The following KRIT1 variants were observed in gnomAD, a reference collection of about 807,000 sequenced individuals.
KRIT1 encodes krev interaction trapped protein 1.
Under a neutral mutation model 95.8 loss-of-function variants are expected in KRIT1, and 45 were observed. The observed-to-expected ratio is 0.47, with a 90% CI of 0.37 to 0.60. The LOEUF is 0.60. Ranked by LOEUF, KRIT1 falls within the 20% of genes least tolerant of loss-of-function variation. The pLI is 0.00. For missense variants in KRIT1, 788 were observed against 877.5 expected (o/e 0.90, Z 1.29); for synonymous variants, 282 against 278.8 (o/e 1.01, Z -0.11).
At chr7:92,229,342 T>A in intron 10 of KRIT1, among the ~76,000 whole-genome samples, 1 of 152,124 alleles carries the variant, frequency 6.6e-6, no homozygotes. Context: ...AAAGAAACTA[T>A]CAACAGAGTA....
In KRIT1 at chr7:92,236,461, C is replaced by T. The variant is rs938557580; in HGVS notation, c.437G>A (p.Ser146Asn). 2.5e-6 allele frequency: 4 copies of T among 1,600,568 alleles called. No individual in the cohort carries two copies. In the Admixed American group the frequency reaches 5.0e-5, roughly 20 times the overall value. Residue 146 changes from serine to asparagine, a missense_variant, in exon 7 of 19, where the codon AGT becomes AAT. Physicochemically the swap from Ser to Asn is conservative, Grantham distance 46. Around this residue, in one of 3 missense-constraint regions of KRIT1, gnomAD observed 289 missense variants for 277.5 expected, o/e 1.04. Transcript: ENST00000394505. The stretch of plus-strand genomic sequence containing the variant: ...TGCTGTAAGTGTAGCAAAATGAGTA[C>T]TGGATTCACTACAGACTCGCATAAT... ...QDIMRVCSES[S>N]THFATLTARM...
At chr7:92,245,387 T>C (rs574035425) in intron 1 of KRIT1, 1 of 152,046 alleles carries the variant, frequency 6.6e-6, no homozygotes, top group Non-Finnish European at 1.5e-5. Context: ...AAAGTGGCTA[T>C]GGTTTCTCTG....
intron 14 of KRIT1, among the ~76,000 whole-genome samples, chr7:92,217,803 T>C (rs1794299377): frequency 2.0e-5 from 3 of 152,216 alleles, no homozygotes; most frequent in Non-Finnish European, 1.5e-5. Flanking sequence ...GATCATACAG[T>C]AATTCTATTT....
intron 14 of KRIT1, 94 bp downstream of exon 14, chr7:92,221,808 G>C (rs779241790): frequency 8.0e-6 from 8 of 1,005,754 alleles, no homozygotes; most frequent in Non-Finnish European, 1.2e-5. Flanking sequence ...ATCGATTTAA[G>C]GATGTAAGCA....
chr7:92,227,217 A>G (rs1194322573), intron 10 of KRIT1, among the ~76,000 whole-genome samples: 3 of 152,218 alleles, frequency 2.0e-5, no homozygotes, highest in Non-Finnish European at 2.9e-5. Context: ...TAAACATGGG[A>G]TAAGTTACAT....
chr7:92,232,821 G>A (rs950811021), intron 10 of KRIT1, among the ~76,000 whole-genome samples: 123 of 152,132 alleles, frequency 8.1e-4, no homozygotes, highest in African/African-American at 2.7e-3. Context: ...AGCCTCCCAA[G>A]TAGCTGGGAC....
At chr7:92,238,492 G>A (rs1183207905) in intron 5 of KRIT1, among the ~76,000 whole-genome samples, 1 of 152,122 alleles carries the variant, frequency 6.6e-6, no homozygotes, top group African/African-American at 2.4e-5. Context: ...AAATATCAGA[G>A]CCAATATTTG....
At position 92,235,584 on chromosome 7, in the gene KRIT1, AGAG is replaced by A. The variant is rs758571745; in HGVS notation, c.545_547del (p.Pro182del). 15 of 1,613,798 alleles carry A rather than the reference AGAG, an allele frequency of 9.3e-6. No individual in the cohort carries two copies. In the Admixed American group the frequency reaches 1.2e-4, roughly 13 times the overall value. ...TATGACATTAGTTTTTATCCGCTCAAGAGGAGAAGGTCGGAATAAAGCTGGAAT... is the reference window on the plus strand; with the variant it reads ...TATGACATTAGTTTTTATCCGCTCAAGAGAAGGTCGGAATAAAGCTGGAAT... On this transcript the variant is annotated inframe_deletion, in exon 8 of 19. Transcript: ENST00000394505.
intron 3 of KRIT1, among the ~76,000 whole-genome samples, chr7:92,243,377 T>A (rs1194663725): frequency 2.0e-5 from 3 of 152,218 alleles, no homozygotes; most frequent in Non-Finnish European, 4.4e-5. Flanking sequence ...TATTTGTCAG[T>A]AAATTTCTAA....
At chr7:92,241,546 T>C (rs1193798700) in intron 4 of KRIT1, among the ~76,000 whole-genome samples, 1 of 148,368 alleles carries the variant, frequency 6.7e-6, no homozygotes, top group South Asian at 2.1e-4. Context: ...AAGTAACAAG[T>C]TATATATATG....
In KRIT1 at chr7:92,245,073, T is replaced by C. The variant is rs1174253178; in HGVS notation, c.-322A>G. The C allele has an allele frequency of 2.7e-5, 4 of 148,462 alleles. No homozygotes were observed. Among genetic ancestry groups the C allele is most frequent in the Non-Finnish European group, 6.0e-5 (4 of 66,772 alleles). 9.2% of individuals were successfully genotyped at this position (148,462 alleles called of 1,614,324 possible). ...AAGGCACATATGCACTCCAGAAGGG[T>C]AAGAAAATAATGAGGCTGAGATCCT... On this transcript the variant is annotated 5_prime_UTR_variant, in exon 2 of 19. Coordinates refer to ENST00000394505, the MANE Select transcript of KRIT1 (RefSeq NM_194454.3).
chr7:92,216,903 C>T (rs1303525657), intron 14 of KRIT1, among the ~76,000 whole-genome samples: 3 of 151,890 alleles, frequency 2.0e-5, no homozygotes, highest in East Asian at 1.9e-4. Context: ...ACCATTTTTT[C>T]GTTTCTAATG....
At chr7:92,221,773 C>T (rs751860399) in intron 14 of KRIT1, 129 bp downstream of exon 14, 22 of 761,126 alleles carry the variant, frequency 2.9e-5, no homozygotes, top group South Asian at 7.9e-5. Flanking sequence ...ACTGAAACTC[C>T]GCCAATTATC....
intron 17 of KRIT1, chr7:92,201,630 C>T: frequency 2.0e-6 from 1 of 509,102 alleles, no homozygotes; most frequent in South Asian, 2.1e-5. Context: ...TGGTTTGCTG[C>T]ACCCATCAAC....
intron 17 of KRIT1, chr7:92,206,361 C>G (rs1393463844): frequency 6.6e-6 from 1 of 152,462 alleles, no homozygotes; most frequent in African/African-American, 2.4e-5. Context: ...GGCACAACTA[C>G]TAGTGCCTGA....
At chr7:92,229,602 C>T (rs1330944644) in intron 10 of KRIT1, among the ~76,000 whole-genome samples, 1 of 152,244 alleles carries the variant, frequency 6.6e-6, no homozygotes, top group South Asian at 2.1e-4. Flanking sequence ...CTTTGCTATT[C>T]TTAAGACATC....
At chr7:92,211,316 T>A (rs1158550021) in intron 17 of KRIT1, among the ~76,000 whole-genome samples, 1 of 152,210 alleles carries the variant, frequency 6.6e-6, no homozygotes, top group Non-Finnish European at 1.5e-5. Flanking sequence ...GTGGTATATA[T>A]GCACAATGAA....
intron 12 of KRIT1, among the ~76,000 whole-genome samples, chr7:92,223,384 A>G (rs1445820625): frequency 1.3e-5 from 2 of 149,922 alleles, no homozygotes; most frequent in African/African-American, 2.5e-5. Context: ...AGGAGCTTGC[A>G]GTGAGCTGAG....
intron 7 of KRIT1, 177 bp from the exon 8 acceptor site, chr7:92,235,823 G>T (rs1798332138): frequency 5.3e-6 from 3 of 569,000 alleles, no homozygotes; most frequent in Non-Finnish European, 9.0e-6. Context: ...ATTGCAAATT[G>T]ATTTTTTTAA....
Sources: gnomAD v4.1 joint callset for allele counts (sites outside exome capture counted in the v4.1 genomes callset) on GRCh38, gnomAD v4.1.1 for gene constraint, gnomAD v4.1.1 regional missense constraint, MANE v1.5 for transcripts, NCBI Gene and HGNC (gene_info 2026-07-23, HGNC 2026-07-21) for gene names.